ISOC2: variants seen among roughly 807,000 people sequenced by gnomAD.
The protein encoded by ISOC2 is isochorismatase domain-containing protein 2.
A neutral mutation model predicts 19.3 loss-of-function variants in ISOC2; 15 were observed. The observed-to-expected ratio is 0.78, with a 90% CI of 0.52 to 1.20. The LOEUF is 1.20. ISOC2 is among the 50% of genes most tolerant of loss of function. The pLI is 0.00. For missense variants in ISOC2, 285 were observed against 272.4 expected, an observed-to-expected ratio of 1.05 and a Z score of -0.33; for synonymous variants, 106 against 115.8, an observed-to-expected ratio of 0.92 and a Z score of 0.54.
chr19:55,453,436 C>T, intron 5 of ISOC2, 48 bp from the exon 6 acceptor site: 1 of 1,359,368 alleles, frequency 7.4e-7, no homozygotes, highest in Non-Finnish European at 1.0e-6. Flanking sequence ...GGGTCCCGAT[C>T]TCCATGGATG....
At chr19:55,460,941 C>T (rs1986215675) in intron 1 of ISOC2, among the ~76,000 whole-genome samples, 1 of 151,522 alleles carries the variant, frequency 6.6e-6, no homozygotes, top group Non-Finnish European at 1.5e-5. Flanking sequence ...TCTGGTCGAG[C>T]GAGGGGCATG....
chr19:55,456,611 C>T, intron 1 of ISOC2, 122 bp from the exon 2 acceptor site: 1 of 1,257,092 alleles, frequency 8.0e-7, no homozygotes, highest in Non-Finnish European at 1.1e-6. Context: ...AACCTTCTTC[C>T]CACCTCAAGG....
intron 2 of ISOC2, chr19:55,456,121 G>A: frequency 1.7e-6 from 1 of 596,140 alleles, no homozygotes; most frequent in Non-Finnish European, 3.0e-6. Context: ...CTGGACGCCT[G>A]GGTCTGAGGG....
At chr19:55,457,693 G>A (rs1246600627) in intron 1 of ISOC2, among the ~76,000 whole-genome samples, 3 of 151,806 alleles carry the variant, frequency 2.0e-5, no homozygotes, top group East Asian at 3.9e-4. Context: ...AGCCAGGCAC[G>A]GTGGCACGCA....
intron 1 of ISOC2, among the ~76,000 whole-genome samples, chr19:55,456,751 T>C (rs1226402978): frequency 6.6e-6 from 1 of 152,168 alleles, no homozygotes; most frequent in Non-Finnish European, 1.5e-5. Flanking sequence ...GTCCCTCTCC[T>C]GGTCCCTGTG....
chr19:55,453,855 T>G (rs115540780), intron 5 of ISOC2: 6,560 of 151,976 alleles, frequency 0.043, 141 homozygotes, highest in Middle Eastern at 0.1. Context: ...AATAAATAAA[T>G]AAATAAACAA....
chr19:55,461,243 T>C (rs542415350), intron 1 of ISOC2, among the ~76,000 whole-genome samples: 10 of 152,270 alleles, frequency 6.6e-5, no homozygotes, highest in Admixed American at 4.6e-4. Flanking sequence ...TGTGTGACCT[T>C]GGGCAAGTTT....
chr19:55,455,436 G>A (rs1986018961), intron 3 of ISOC2, 106 bp from the exon 4 acceptor site: 6 of 1,466,296 alleles, frequency 4.1e-6, no homozygotes, highest in Middle Eastern at 3.5e-4. Context: ...GGGGAGGAGG[G>A]AGGCTCGGAT....
At chr19:55,459,381 T>G (rs1262391287) in intron 1 of ISOC2, among the ~76,000 whole-genome samples, 1 of 152,182 alleles carries the variant, frequency 6.6e-6, no homozygotes, top group Admixed American at 6.5e-5. Context: ...GAATGGAAAC[T>G]CCCTCTGAAA....
chr19:55,459,536 T>C (rs1257899057), intron 1 of ISOC2, among the ~76,000 whole-genome samples: 1 of 152,108 alleles, frequency 6.6e-6, no homozygotes, highest in Non-Finnish European at 1.5e-5. Flanking sequence ...ACAAAGCTAT[T>C]ACTCCCCTGT....
At chr19:55,457,946 G>A (rs1986115016) in intron 1 of ISOC2, among the ~76,000 whole-genome samples, 1 of 151,874 alleles carries the variant, frequency 6.6e-6, no homozygotes, top group Non-Finnish European at 1.5e-5. Context: ...TGGTGAAAAT[G>A]CTCTGGGACT....
In ISOC2 at chr19:55,453,248, G is replaced by A; in HGVS notation, c.*60C>T. ...CTTGGGATCCAGGGATGGGGGGAAC[G>A]GGCTTCCACTGAGGTCCGGGTGACA... is the stretch of plus-strand genomic sequence containing the variant. On this transcript the variant is annotated 3_prime_UTR_variant, in exon 6 of 6. Transcript: ENST00000425675. 3 of 1,255,662 alleles carry A rather than the reference G, an allele frequency of 2.4e-6. No homozygotes were observed. Among genetic ancestry groups the A allele is most frequent in the Non-Finnish European group, 2.2e-6 (2 of 893,826 alleles). The allele number at this position is 1,255,662 out of a possible 1,614,324, so 77.8% of individuals were successfully genotyped here. A position where few individuals can be genotyped will look rare whatever the true frequency, so the allele number is the denominator to read the frequency against.
In ISOC2 at chr19:55,453,192, G is replaced by A. The variant is rs1005849341; in HGVS notation, c.*116C>T. On this transcript the variant is annotated 3_prime_UTR_variant, in exon 6 of 6. Coordinates refer to ENST00000425675, the MANE Select transcript of ISOC2 (RefSeq NM_001136201.2). ...AGGCAGCACCCTGCCCCCCCCACAAGGGGGCGGCACTCCTGGTGGATCGCA... is the reference window on the plus strand; with the variant it reads ...AGGCAGCACCCTGCCCCCCCCACAAAGGGGCGGCACTCCTGGTGGATCGCA... The A allele has an allele frequency of 1.1e-5, 7 of 637,002 alleles. No individual in the cohort carries two copies. Among genetic ancestry groups the A allele is most frequent in the African/African-American group, 1.9e-5 (1 of 52,000 alleles). The allele number at this position is 637,002 out of a possible 1,614,324, so 39.5% of individuals were successfully genotyped here. A position where few individuals can be genotyped will look rare whatever the true frequency, so the allele number is the denominator to read the frequency against.
chr19:55,458,992 C>T (rs770885894), intron 1 of ISOC2, among the ~76,000 whole-genome samples: 28 of 152,018 alleles, frequency 1.8e-4, no homozygotes, highest in Non-Finnish European at 3.1e-4. Flanking sequence ...AGTACAGTGG[C>T]GCAATCATAG....
chr19:55,456,857 C>A (rs1363762135), intron 1 of ISOC2, among the ~76,000 whole-genome samples: 1 of 152,160 alleles, frequency 6.6e-6, no homozygotes, highest in African/African-American at 2.4e-5. Flanking sequence ...TACTATCAGT[C>A]CCGGTTACCA....
At chr19:55,458,219 C>T (rs1986125401) in intron 1 of ISOC2, among the ~76,000 whole-genome samples, 1 of 152,210 alleles carries the variant, frequency 6.6e-6, no homozygotes, top group African/African-American at 2.4e-5. Context: ...ACCTGACTTC[C>T]ACTCGGTCAG....
At chr19:55,458,556 T>G (rs1599884746) in intron 1 of ISOC2, among the ~76,000 whole-genome samples, 2 of 146,578 alleles carry the variant, frequency 1.4e-5, no homozygotes, top group Admixed American at 6.9e-5. Context: ...TGAGATGGAG[T>G]CTTGCTCTGT....
chr19:55,460,396 A>G (rs1986195723), intron 1 of ISOC2, among the ~76,000 whole-genome samples: 1 of 152,142 alleles, frequency 6.6e-6, no homozygotes, highest in Non-Finnish European at 1.5e-5. Flanking sequence ...GAAACGGGAG[A>G]CTCAGGCGGG....
chr19:55,459,661 A>C (rs1986173868), intron 1 of ISOC2: 4 of 138,188 alleles, frequency 2.9e-5, no homozygotes, highest in Admixed American at 7.2e-5. Context: ...CAGCCCAGCC[A>C]CTCCCTCCTC....
Sources: allele counts gnomAD v4.1 joint callset (sites outside exome capture counted in the v4.1 genomes callset), GRCh38; gene constraint gnomAD v4.1.1; transcripts MANE v1.5; gene names NCBI Gene and HGNC (gene_info 2026-07-23, HGNC 2026-07-21).